FMN2: variants seen among roughly 807,000 people sequenced by gnomAD.
FMN2 encodes the protein formin 2.
A neutral mutation model predicts 142.3 loss-of-function variants in FMN2; 51 were observed. That is an observed-to-expected ratio of 0.36 (90% CI 0.29 to 0.45). The LOEUF (loss-of-function observed/expected upper bound fraction) is 0.45. Ranked by LOEUF, FMN2 falls within the 20% of genes least tolerant of loss-of-function variation. FMN2 has a pLI of 1.00. For synonymous variants in FMN2, 882 were observed against 869.8 expected, an observed-to-expected ratio of 1.01 and a Z score of -0.25; for missense variants, 1,936 against 2,122.8, an observed-to-expected ratio of 0.91 and a Z score of 1.73.
Position 240,189,629 on chromosome 1 carries a change from G to A in FMN2, c.1986+1367G>A, listed in dbSNP as rs564531198. Among the ~76,000 whole-genome samples, 4 of 152,316 alleles carry A rather than the reference G, an allele frequency of 2.6e-5. No homozygotes were observed. In the South Asian group the frequency reaches 8.3e-4, roughly 32 times the overall value. ...GGGTGCTTTTCAAAAATGCGGCTAG[G>A]TTAGCTATCCTTAAGGACAGTTCAT... On this transcript the variant is annotated intron_variant, in intron 4 of 17. Transcript: ENST00000319653.
chr1:240,357,487 G>A (rs1229380236), intron 14 of FMN2, among the ~76,000 whole-genome samples: 1 of 152,142 alleles, frequency 6.6e-6, no homozygotes, highest in Non-Finnish European at 1.5e-5. Flanking sequence ...CATTTATAAT[G>A]ATTTGAAAGG....
At chr1:240,178,812 T>C (rs572146667) in intron 3 of FMN2, among the ~76,000 whole-genome samples, 2 of 152,204 alleles carry the variant, frequency 1.3e-5, no homozygotes, top group African/African-American at 4.8e-5. Flanking sequence ...TTCTGAAGCA[T>C]GAGTGAGGAG....
At chr1:240,306,674 C>T (rs59985185) in intron 8 of FMN2, among the ~76,000 whole-genome samples, 11,989 of 152,196 alleles carry the variant, frequency 0.079, 1,607 homozygotes, top group African/African-American at 0.27. Flanking sequence ...GTTTATTCCA[C>T]GTCTTTGCTA....
chr1:240,387,111 T>G (rs1330650186), intron 14 of FMN2, among the ~76,000 whole-genome samples: 1 of 152,246 alleles, frequency 6.6e-6, no homozygotes, highest in African/African-American at 2.4e-5. Flanking sequence ...TTACTGGTAT[T>G]CTCTGAATAT....
In FMN2 at chr1:240,367,812, G is replaced by C. The variant is rs150108266; in HGVS notation, c.4858+11904G>C. Among the ~76,000 whole-genome samples, 303 of 146,154 alleles carry C rather than the reference G, an allele frequency of 2.1e-3. 2 individuals carry two copies. The East Asian group carries it at 0.029, about 14-fold the overall frequency. ...AAAAAGAAATCCTTCCCTTCTCTAA[G>C]TTGGTAAAGATAATGTCCTTTATTT... On this transcript the variant is annotated intron_variant, in intron 14 of 17. Transcript: ENST00000319653.
Position 240,330,625 on chromosome 1 carries a change from T to G in FMN2, c.4460T>G (p.Val1487Gly). ...LCETLKNGPG[V>G]MQVLGLVLAF... ...CAGACATTAAAAAATGGCCCAGGGG[T>G]TATGCAGGTTCTAGGTTTGGTTCTT... The change falls in exon 11 of 18, where the codon GTT becomes GGT. Residue 1487 changes from valine (V) to glycine (G), a missense_variant. Val to Gly is a moderately radical substitution (Grantham distance 109, BLOSUM62 -3). This residue lies in a region of FMN2 where 322 missense variants were observed against 401.6 expected (regional missense o/e 0.80). Transcript: ENST00000319653. 1.2e-6 allele frequency: 2 copies of G among 1,613,830 alleles called. No homozygotes were observed. Among genetic ancestry groups the G allele is most frequent in the Non-Finnish European group, 1.7e-6 (2 of 1,179,866 alleles).
At chr1:240,171,164 T>C in intron 2 of FMN2, 1 of 904,538 alleles carries the variant, frequency 1.1e-6, no homozygotes, top group Non-Finnish European at 1.9e-6. Flanking sequence ...CCAAAGTTGG[T>C]ATCTGAATAT....
At chr1:240,157,215 T>C (rs952705972) in intron 2 of FMN2, among the ~76,000 whole-genome samples, 13 of 152,354 alleles carry the variant, frequency 8.5e-5, no homozygotes, top group African/African-American at 3.1e-4. Context: ...CTTATAACTT[T>C]AACGTTTCAT....
chr1:240,265,644 C>A lies in FMN2; in HGVS notation c.4153+7612C>A, dbSNP rs1212414607. On this transcript the variant is annotated intron_variant, in intron 7 of 17. Transcript: ENST00000319653. ...CCCAGTTTGTCATATTTTGCTATGG[C>A]AGCCCAAGCTGTCCAAGACAGATTT... 2.0e-5 allele frequency among the ~76,000 whole-genome samples: 3 copies of A among 152,268 alleles called. No individual in the cohort carries two copies. In the East Asian group the frequency reaches 5.8e-4, roughly 29 times the overall value.
At chr1:240,180,566 C>CTT (rs58433196) in intron 3 of FMN2, among the ~76,000 whole-genome samples, 8,506 of 125,892 alleles carry the variant, frequency 0.068, 400 homozygotes, top group African/African-American at 0.095. Flanking sequence ...CACATGACCC[C>CTT]TTTTTTTTTT....
intron 15 of FMN2, among the ~76,000 whole-genome samples, chr1:240,428,439 C>A (rs1485967109): frequency 6.6e-6 from 1 of 151,508 alleles, no homozygotes; most frequent in Admixed American, 6.6e-5. Context: ...GTTGCTCAGG[C>A]TGGTCTCAAA....
At chr1:240,315,487 C>A (rs557339343) in intron 8 of FMN2, among the ~76,000 whole-genome samples, 1 of 152,278 alleles carries the variant, frequency 6.6e-6, no homozygotes, top group African/African-American at 2.4e-5. Flanking sequence ...TCATGTTTTT[C>A]TTCACTGAAC....
intron 3 of FMN2, among the ~76,000 whole-genome samples, chr1:240,183,849 C>T (rs895223221): frequency 1.3e-5 from 2 of 152,140 alleles, no homozygotes; most frequent in African/African-American, 4.8e-5. Context: ...TTAATGAATT[C>T]TGTTTCAGTT....
chr1:240,430,934 A>G (rs1170617309), intron 15 of FMN2, among the ~76,000 whole-genome samples: 3 of 151,066 alleles, frequency 2.0e-5, no homozygotes, highest in African/African-American at 7.3e-5. Context: ...GCTATTTCAT[A>G]TGCTTTACAT....
chr1:240,246,758 G>C (rs1158721499), intron 6 of FMN2, among the ~76,000 whole-genome samples: 1 of 152,138 alleles, frequency 6.6e-6, no homozygotes, highest in African/African-American at 2.4e-5. Context: ...CTGCCTTCTA[G>C]GGAAGCCTGA....
At chr1:240,418,691 G>A (rs1674664573) in intron 15 of FMN2, among the ~76,000 whole-genome samples, 1 of 152,176 alleles carries the variant, frequency 6.6e-6, no homozygotes, top group Non-Finnish European at 1.5e-5. Context: ...ACGTGTATAA[G>A]TATACACAGT....
chr1:240,148,413 C>G (rs1273975788), intron 2 of FMN2, among the ~76,000 whole-genome samples: 1 of 147,726 alleles, frequency 6.8e-6, no homozygotes, highest in African/African-American at 2.5e-5. Flanking sequence ...GAGACAGAGA[C>G]AGACAGGAAA....
At chr1:240,435,936 T>C (rs1235599860) in intron 15 of FMN2, among the ~76,000 whole-genome samples, 2 of 152,222 alleles carry the variant, frequency 1.3e-5, no homozygotes, top group Admixed American at 1.3e-4. Context: ...AATAAATGGA[T>C]AGAAAAGACT....
Position 240,361,141 on chromosome 1 carries a change from G to GTATATATATA in FMN2, c.4858+5268_4858+5277dup, listed in dbSNP as rs202070560. 8.4e-3 allele frequency among the ~76,000 whole-genome samples: 358 copies of GTATATATATA among 42,708 alleles called. 2 individuals are homozygous for GTATATATATA. The highest frequency in any genetic ancestry group is 9.9e-3 in the Non-Finnish European group (265 of 26,692). The allele number at this position is 42,708 out of a possible 152,430, so 28.0% of individuals were successfully genotyped here. A position where few individuals can be genotyped will look rare whatever the true frequency, so the allele number is the denominator to read the frequency against. ...ATAATAATAATAAATAAATATATGT[G>GTATATATATA]TATATATATATATATATATATATAT... On this transcript the variant is annotated intron_variant, in intron 14 of 17. Coordinates refer to ENST00000319653, the MANE Select transcript of FMN2 (RefSeq NM_020066.5).
Sources: allele counts gnomAD v4.1 joint callset (sites outside exome capture counted in the v4.1 genomes callset), GRCh38; gene constraint gnomAD v4.1.1; regional missense constraint gnomAD v4.1.1; transcripts MANE v1.5; gene names NCBI Gene and HGNC (gene_info 2026-07-23, HGNC 2026-07-21).